CREBBP: variants seen among roughly 807,000 people sequenced by gnomAD.
CREBBP encodes the protein CREB binding lysine acetyltransferase.
CREBBP carries 19 observed loss-of-function variants against 265.0 expected under a neutral mutation model. That is an observed-to-expected ratio of 0.07 (90% confidence interval 0.05 to 0.11). The LOEUF (loss-of-function observed/expected upper bound fraction) is 0.11, where lower values mean the gene tolerates loss of function less well. CREBBP is among the 10% of genes least tolerant of loss of function. The pLI, the probability that CREBBP is intolerant of heterozygous loss-of-function variation, is 1.00. For synonymous variants in CREBBP, 1,457 were observed against 1,223.7 expected (o/e 1.19, Z -3.98); for missense variants, 2,525 against 3,219.0 (o/e 0.78, Z 5.22).
At chr16:3,786,832 G>C (rs1412908102) in intron 5 of CREBBP, among the ~76,000 whole-genome samples, 2 of 152,176 alleles carry the variant, frequency 1.3e-5, no homozygotes, top group African/African-American at 2.4e-5. Flanking sequence ...AGCACTTTGG[G>C]AGTATGAGGG....
intron 5 of CREBBP, among the ~76,000 whole-genome samples, chr16:3,791,743 G>A (rs2053512556): frequency 6.6e-6 from 1 of 152,098 alleles, no homozygotes; most frequent in Non-Finnish European, 1.5e-5. Flanking sequence ...TGTATGCAGG[G>A]GGCAGGGAGA....
chr16:3,762,179 G>A (rs560466669), intron 16 of CREBBP, among the ~76,000 whole-genome samples: 1 of 152,254 alleles, frequency 6.6e-6, no homozygotes, highest in South Asian at 2.1e-4. Flanking sequence ...AGAGGCCTCA[G>A]GACGCACAAA....
At chr16:3,739,851 G>C in intron 24 of CREBBP, 127 bp from the exon 25 acceptor site, 3 of 1,313,040 alleles carry the variant, frequency 2.3e-6, no homozygotes, top group South Asian at 2.4e-5. Context: ...TCCTCAGACC[G>C]TGGCCTGGAG....
At chr16:3,752,468 T>TC (rs765190979) in intron 19 of CREBBP, among the ~76,000 whole-genome samples, 262 of 151,056 alleles carry the variant, frequency 1.7e-3, no homozygotes, top group Non-Finnish European at 3.0e-3. Flanking sequence ...TTTTTTTTTT[T>TC]CATGTTAATC....
chr16:3,796,105 A>G (rs1596954259), intron 3 of CREBBP, among the ~76,000 whole-genome samples: 1 of 152,186 alleles, frequency 6.6e-6, no homozygotes, highest in African/African-American at 2.4e-5. Flanking sequence ...TTGTCCTCTC[A>G]CTGTGTCTTA....
chr16:3,794,103 G>A (rs1472954202), intron 3 of CREBBP, among the ~76,000 whole-genome samples: 3 of 151,630 alleles, frequency 2.0e-5, no homozygotes, highest in East Asian at 1.9e-4. Flanking sequence ...CGAGGCAGGC[G>A]GATCACGAGG....
chr16:3,868,967 G>T (rs1425275159), intron 1 of CREBBP, among the ~76,000 whole-genome samples: 2 of 152,162 alleles, frequency 1.3e-5, no homozygotes, highest in African/African-American at 4.8e-5. Context: ...CACACCTTTA[G>T]TCTCCACCAT....
intron 2 of CREBBP, among the ~76,000 whole-genome samples, chr16:3,828,801 A>C (rs1033024379): frequency 6.6e-6 from 1 of 152,238 alleles, no homozygotes; most frequent in Non-Finnish European, 1.5e-5. Flanking sequence ...CATAGGCAGG[A>C]AAGTGGTTCA....
chr16:3,782,397 G>C (rs1415252791), intron 6 of CREBBP, among the ~76,000 whole-genome samples: 1 of 152,232 alleles, frequency 6.6e-6, no homozygotes, highest in Admixed American at 6.5e-5. Context: ...CCTGACTTGT[G>C]AGATCTGCAT....
intron 5 of CREBBP, among the ~76,000 whole-genome samples, chr16:3,790,332 CAAAG>C (rs1164592358): frequency 6.9e-6 from 1 of 144,722 alleles, no homozygotes; most frequent in African/African-American, 2.5e-5. Flanking sequence ...TTTAGTCAAT[CAAAG>C]AATAATTTAA....
chr16:3,764,588 ATTAAT>A (rs1011943743), intron 16 of CREBBP, among the ~76,000 whole-genome samples: 52 of 151,570 alleles, frequency 3.4e-4, no homozygotes, highest in African/African-American at 1.2e-3. Context: ...TTCTTAATTA[ATTAAT>A]TTATTTTTGA....
intron 2 of CREBBP, among the ~76,000 whole-genome samples, chr16:3,820,956 G>A (rs938542442): frequency 5.9e-5 from 9 of 152,072 alleles, no homozygotes; most frequent in Non-Finnish European, 1.0e-4. Context: ...TAATACTATT[G>A]GTACACCTTG....
intron 2 of CREBBP, among the ~76,000 whole-genome samples, chr16:3,822,262 G>A (rs1284593663): frequency 1.3e-5 from 2 of 152,112 alleles, no homozygotes; most frequent in African/African-American, 4.8e-5. Flanking sequence ...AAAAAGGGAC[G>A]TCAAGAACGC....
At chr16:3,871,409 G>T (rs907875587) in intron 1 of CREBBP, among the ~76,000 whole-genome samples, 4 of 152,216 alleles carry the variant, frequency 2.6e-5, no homozygotes, top group African/African-American at 9.6e-5. Context: ...CTCACAGTTA[G>T]AAGGTTCTAC....
intron 6 of CREBBP, 40 bp from the exon 7 acceptor site, chr16:3,781,346 T>G (rs1567308424): frequency 6.6e-7 from 1 of 1,505,518 alleles, no homozygotes; most frequent in Non-Finnish European, 9.2e-7. Flanking sequence ...AGTTAAATTT[T>G]AATATATACT....
At position 3,727,532 on chromosome 16, in the gene CREBBP, G is replaced by GATAT. The variant is rs1454959115; in HGVS notation, c.*182_*185dup. On this transcript the variant is annotated 3_prime_UTR_variant, in exon 31 of 31. Coordinates refer to ENST00000262367, the MANE Select transcript of CREBBP (RefSeq NM_004380.3). Reference sequence around the variant, plus strand: ...AAAAAAAAACCAAAGAGAGAGACCAGATATTTAAATCAACTGGTTTTTAAC... The same window carrying GATAT: ...AAAAAAAAACCAAAGAGAGAGACCAGATATATATTTAAATCAACTGGTTTTTAAC... 8 of 308,170 alleles carry GATAT rather than the reference G, an allele frequency of 2.6e-5. No homozygotes were observed. Among genetic ancestry groups the GATAT allele is most frequent in the Non-Finnish European group, 3.7e-5 (8 of 214,732 alleles). The allele number at this position is 308,170 out of a possible 1,614,324, so 19.1% of individuals were successfully genotyped here. A position where few individuals can be genotyped will look rare whatever the true frequency, so the allele number is the denominator to read the frequency against.
chr16:3,878,278 G>A (rs528115367), intron 1 of CREBBP, among the ~76,000 whole-genome samples: 52 of 152,320 alleles, frequency 3.4e-4, no homozygotes, highest in African/African-American at 1.2e-3. Context: ...GATCTGTTTT[G>A]CAGTACAACG....
At chr16:3,733,311 G>C (rs2051965796) in intron 28 of CREBBP, among the ~76,000 whole-genome samples, 1 of 149,362 alleles carries the variant, frequency 6.7e-6, no homozygotes, top group African/African-American at 2.5e-5. Context: ...GCAGTGAGCT[G>C]AGATGGCGCC....
rs147352379 is a variant in CREBBP at position 3,879,878 on chromosome 16, T to C, written c.39A>G (p.Lys13=). 5.6e-6 allele frequency: 9 copies of C among 1,611,860 alleles called. No homozygotes were observed. The African/African-American group carries it at 1.1e-4, about 19-fold the overall frequency. The stretch of plus-strand genomic sequence containing the variant: ...AACCGGGCGAGCTGAGTTTGGCTCT[T>C]TTGGGGTTGGGCGGTCCGTCCAGCA... The part of the protein sequence containing the change: ...ENLLDGPPNP[K]RAKLSSPGFS... Residue 13 remains lysine, a synonymous_variant, in exon 1 of 31, where the codon AAA becomes AAG. Transcript: ENST00000262367.
Sources: allele counts gnomAD v4.1 joint callset (sites outside exome capture counted in the v4.1 genomes callset), GRCh38; gene constraint gnomAD v4.1.1; transcripts MANE v1.5; gene names NCBI Gene and HGNC (gene_info 2026-07-23, HGNC 2026-07-21).